Variants in CNTN3 observed in about 807,000 individuals in gnomAD.
CNTN3 encodes contactin 3.
A neutral mutation model predicts 119.1 loss-of-function variants in CNTN3; 60 were observed. The ratio of observed to expected loss-of-function variants is 0.50; its 90% CI spans 0.41 to 0.62. CNTN3 has a LOEUF of 0.62. Ranked by LOEUF, CNTN3 falls within the 20% of genes least tolerant of loss-of-function variation. The pLI is 0.00. For synonymous variants in CNTN3, 450 were observed against 438.7 expected (o/e 1.03, Z -0.32); for missense variants, 1,101 against 1,242.4 (o/e 0.89, Z 1.71).
intron 1 of CNTN3, among the ~76,000 whole-genome samples, chr3:74,541,296 A>C (rs1703839356): frequency 6.6e-6 from 1 of 152,142 alleles, no homozygotes; most frequent in Non-Finnish European, 1.5e-5. Flanking sequence ...CATGCACAAA[A>C]ATGATCATAG....
intron 1 of CNTN3, among the ~76,000 whole-genome samples, chr3:74,571,627 A>T (rs748294187): frequency 1.4e-4 from 22 of 152,194 alleles, no homozygotes; most frequent in Non-Finnish European, 2.6e-4. Context: ...AGTGGTAGTT[A>T]TTATTCAGAA....
chr3:74,445,270 T>C (rs902348263), intron 4 of CNTN3, among the ~76,000 whole-genome samples: 20 of 152,160 alleles, frequency 1.3e-4, no homozygotes, highest in African/African-American at 4.8e-4. Context: ...TTTTTGTTTT[T>C]GGTTTTTTTT....
At chr3:74,437,921 A>T (rs1470270665) in intron 4 of CNTN3, among the ~76,000 whole-genome samples, 2 of 152,234 alleles carry the variant, frequency 1.3e-5, no homozygotes, top group Non-Finnish European at 2.9e-5. Context: ...TCTCACATAA[A>T]ACATTATCAA....
At chr3:74,452,821 C>T (rs1273079994) in intron 4 of CNTN3, among the ~76,000 whole-genome samples, 33 of 151,882 alleles carry the variant, frequency 2.2e-4, no homozygotes, top group African/African-American at 6.0e-4. Context: ...ATTACATTTA[C>T]TGATTTGCGT....
chr3:74,453,726 C>A (rs551320845), intron 4 of CNTN3, among the ~76,000 whole-genome samples: 24 of 150,690 alleles, frequency 1.6e-4, no homozygotes, highest in Non-Finnish European at 2.7e-4. Context: ...TCTTTGTTCT[C>A]GTTGGTTTCA....
At chr3:74,442,009 T>C (rs568701959) in intron 4 of CNTN3, among the ~76,000 whole-genome samples, 2 of 152,174 alleles carry the variant, frequency 1.3e-5, no homozygotes, top group Non-Finnish European at 2.9e-5. Flanking sequence ...GGTAGAAGGC[T>C]TTTACAGTAA....
intron 11 of CNTN3, among the ~76,000 whole-genome samples, chr3:74,358,649 G>A (rs1285050634): frequency 6.9e-6 from 1 of 145,266 alleles, no homozygotes; most frequent in Non-Finnish European, 1.5e-5. Context: ...TAGGGTACAT[G>A]TGCACATTGT....
At chr3:74,516,543 T>C (rs1003290309) in intron 2 of CNTN3, among the ~76,000 whole-genome samples, 1 of 151,024 alleles carries the variant, frequency 6.6e-6, no homozygotes, top group Non-Finnish European at 1.5e-5. Context: ...GTTAATTGAC[T>C]ATTTTATTGG....
At chr3:74,341,973 C>T (rs1442818080) in intron 11 of CNTN3, among the ~76,000 whole-genome samples, 3 of 152,078 alleles carry the variant, frequency 2.0e-5, no homozygotes, top group Non-Finnish European at 2.9e-5. Flanking sequence ...AGTGGAGTTG[C>T]AATCACATGA....
At chr3:74,429,929 G>A (rs550931696) in intron 4 of CNTN3, among the ~76,000 whole-genome samples, 71 of 152,236 alleles carry the variant, frequency 4.7e-4, no homozygotes, top group African/African-American at 1.6e-3. Context: ...AAACTACAAT[G>A]AGCTGTCACT....
At chr3:74,304,515 C>CTTTA (rs1162705752) in intron 13 of CNTN3, among the ~76,000 whole-genome samples, 4 of 152,094 alleles carry the variant, frequency 2.6e-5, no homozygotes, top group Non-Finnish European at 5.9e-5. Context: ...TCTTGCCAAC[C>CTTTA]TTTATTTGCT....
At chr3:74,292,268 G>T (rs1040997170) in intron 19 of CNTN3, among the ~76,000 whole-genome samples, 1 of 152,158 alleles carries the variant, frequency 6.6e-6, no homozygotes, top group African/African-American at 2.4e-5. Flanking sequence ...TGTTTATTAT[G>T]ATGAGCCAGA....
At chr3:74,369,760 T>A in intron 7 of CNTN3, 129 bp downstream of exon 7, 1 of 586,290 alleles carries the variant, frequency 1.7e-6, no homozygotes, top group Non-Finnish European at 3.0e-6. Flanking sequence ...CCCTGCATTT[T>A]GTTTTTCCTT....
chr3:74,501,106 G>T (rs574985571), intron 2 of CNTN3, among the ~76,000 whole-genome samples: 1 of 151,928 alleles, frequency 6.6e-6, no homozygotes, highest in Admixed American at 6.6e-5. Flanking sequence ...ATAGCTGATT[G>T]AAATGTCTGT....
At chr3:74,402,777 G>A (rs1170235369) in intron 5 of CNTN3, among the ~76,000 whole-genome samples, 3 of 152,162 alleles carry the variant, frequency 2.0e-5, no homozygotes, top group South Asian at 2.1e-4. Flanking sequence ...AATAAAGAGC[G>A]ACTGGGAAGA....
intron 4 of CNTN3, among the ~76,000 whole-genome samples, chr3:74,482,838 C>T (rs1204854564): frequency 6.6e-6 from 1 of 152,100 alleles, no homozygotes; most frequent in South Asian, 2.1e-4. Context: ...CCATTCTAAT[C>T]CCTTCTTTCA....
chr3:74,526,215 C>CA (rs1195747557), intron 1 of CNTN3, among the ~76,000 whole-genome samples: 1 of 39,664 alleles, frequency 2.5e-5, no homozygotes, highest in Admixed American at 2.8e-4. Context: ...TCCTAATCTT[C>CA]ACCAAAAAAA....
Position 74,470,968 on chromosome 3 carries a change from C to T in CNTN3, c.358+15488G>A, listed in dbSNP as rs1022222820. On this transcript the variant is annotated intron_variant, in intron 4 of 22. Coordinates refer to ENST00000263665, the MANE Select transcript of CNTN3 (RefSeq NM_020872.3). ...CTCGGCTCACTGCAACCTCCGCCTCCCGGGTTCAAGCGATTCTCCTGCCTC... is the reference window on the plus strand; with the variant it reads ...CTCGGCTCACTGCAACCTCCGCCTCTCGGGTTCAAGCGATTCTCCTGCCTC... Among the ~76,000 whole-genome samples the T allele has an allele frequency of 2.7e-5, 4 of 150,292 alleles. No individual in the cohort carries two copies. The South Asian group carries it at 6.4e-4, about 24-fold the overall frequency.
intron 1 of CNTN3, among the ~76,000 whole-genome samples, chr3:74,573,023 C>G (rs983834258): frequency 2.0e-5 from 3 of 152,206 alleles, no homozygotes; most frequent in African/African-American, 7.2e-5. Flanking sequence ...AGCTCCATTA[C>G]CAGGGCATTT....
Sources: gnomAD v4.1 joint callset for allele counts (sites outside exome capture counted in the v4.1 genomes callset) on GRCh38, gnomAD v4.1.1 for gene constraint, MANE v1.5 for transcripts, NCBI Gene and HGNC (gene_info 2026-07-23, HGNC 2026-07-21) for gene names.